The following SLC35F3 variants were observed in gnomAD, a reference collection of about 807,000 sequenced individuals.
The protein encoded by SLC35F3 is putative thiamine transporter SLC35F3.
In SLC35F3, 25 loss-of-function variants were observed where a neutral mutation model predicts 49.9. The ratio of observed to expected loss-of-function variants is 0.50; its 90% CI spans 0.37 to 0.70. SLC35F3 has a LOEUF of 0.70. Ranked by LOEUF, SLC35F3 falls within the 30% of genes least tolerant of loss-of-function variation. The pLI is 0.00. For missense variants in SLC35F3, 525 were observed against 639.8 expected, an observed-to-expected ratio of 0.82 and a Z score of 1.94; for synonymous variants, 275 against 265.4, an observed-to-expected ratio of 1.04 and a Z score of -0.35.
chr1:234,108,627 T>TATATATTTATATATAAAAGTAC lies in SLC35F3; in HGVS notation c.284-122771_284-122770insTACATATATTTATATATAAAAG, dbSNP rs1553305768. Among the ~76,000 whole-genome samples the TATATATTTATATATAAAAGTAC allele has an allele frequency of 7.6e-4, 85 of 112,460 alleles. 2 individuals carry two copies. Among genetic ancestry groups the TATATATTTATATATAAAAGTAC allele is most frequent in the African/African-American group, 3.1e-3 (79 of 25,358 alleles). The allele number at this position is 112,460 out of a possible 152,430, so 73.8% of individuals were successfully genotyped here. A position where few individuals can be genotyped will look rare whatever the true frequency, so the allele number is the denominator to read the frequency against. On this transcript the variant is annotated intron_variant, in intron 2 of 7. Coordinates refer to ENST00000366618, the MANE Select transcript of SLC35F3 (RefSeq NM_173508.4). Reference sequence around the variant, plus strand: ...GATATATATTTATATATAAAAGATATATATATTTATATATAAAAGATACAT... The same window carrying TATATATTTATATATAAAAGTAC: ...GATATATATTTATATATAAAAGATATATATATTTATATATAAAAGTACATATATTTATATATAAAAGATACAT...
intron 2 of SLC35F3, among the ~76,000 whole-genome samples, chr1:234,077,700 C>A (rs1664812993): frequency 6.6e-6 from 1 of 152,150 alleles, no homozygotes; most frequent in Non-Finnish European, 1.5e-5. Flanking sequence ...AAGCTTTGGG[C>A]AGGCGGTGGG....
At chr1:234,096,692 A>G (rs1278856368) in intron 2 of SLC35F3, among the ~76,000 whole-genome samples, 1 of 152,124 alleles carries the variant, frequency 6.6e-6, no homozygotes, top group East Asian at 1.9e-4. Context: ...TATAGGCTTC[A>G]CTGCAGCATT....
chr1:233,962,840 G>C (rs1662826877), intron 2 of SLC35F3, among the ~76,000 whole-genome samples: 1 of 152,206 alleles, frequency 6.6e-6, no homozygotes, highest in African/African-American at 2.4e-5. Flanking sequence ...TGACTAGGAT[G>C]GGACTGTAAT....
intron 2 of SLC35F3, among the ~76,000 whole-genome samples, chr1:234,140,913 T>G (rs896700218): frequency 4.6e-5 from 7 of 152,194 alleles, no homozygotes; most frequent in African/African-American, 1.7e-4. Context: ...GCAAAAGGGT[T>G]TACTTATAGA....
chr1:234,121,424 C>T (rs1572059759), intron 2 of SLC35F3, among the ~76,000 whole-genome samples: 2 of 152,148 alleles, frequency 1.3e-5, no homozygotes, highest in East Asian at 3.9e-4. Flanking sequence ...AGGCATGAGC[C>T]ACCACGCCCA....
At chr1:234,290,437 AT>A (rs1413829602) in intron 3 of SLC35F3, among the ~76,000 whole-genome samples, 1 of 152,258 alleles carries the variant, frequency 6.6e-6, no homozygotes, top group Non-Finnish European at 1.5e-5. Flanking sequence ...TCCAGCACAT[AT>A]AAAAAGTATA....
At chr1:234,178,507 A>G (rs1666510315) in intron 2 of SLC35F3, among the ~76,000 whole-genome samples, 3 of 151,994 alleles carry the variant, frequency 2.0e-5, no homozygotes, top group Non-Finnish European at 2.9e-5. Flanking sequence ...GTTCACAGCA[A>G]AACTAAGCAG....
chr1:233,926,563 TG>T (rs1226877872), intron 2 of SLC35F3, among the ~76,000 whole-genome samples: 1 of 152,184 alleles, frequency 6.6e-6, no homozygotes, highest in African/African-American at 2.4e-5. Flanking sequence ...TTAGCTTCTT[TG>T]TGATGGGTTC....
intron 2 of SLC35F3, among the ~76,000 whole-genome samples, chr1:234,110,289 CT>C (rs1665387213): frequency 6.6e-6 from 1 of 152,170 alleles, no homozygotes; most frequent in East Asian, 1.9e-4. Flanking sequence ...GGGGATGACA[CT>C]TAGAGACATT....
At chr1:234,183,759 G>A (rs1050424124) in intron 2 of SLC35F3, among the ~76,000 whole-genome samples, 4 of 142,668 alleles carry the variant, frequency 2.8e-5, no homozygotes, top group African/African-American at 4.9e-5. Context: ...GTAAATGTTC[G>A]TATCTCATTT....
intron 2 of SLC35F3, among the ~76,000 whole-genome samples, chr1:234,209,781 C>T (rs913234688): frequency 5.3e-5 from 8 of 151,764 alleles, no homozygotes; most frequent in African/African-American, 1.9e-4. Context: ...CAGAAGTTAA[C>T]AGACATGAGG....
At chr1:234,227,004 C>T (rs1283549262) in intron 2 of SLC35F3, among the ~76,000 whole-genome samples, 1 of 149,270 alleles carries the variant, frequency 6.7e-6, no homozygotes. Flanking sequence ...ATGGAAGCAA[C>T]TCAGGCAACA....
chr1:234,122,250 T>C (rs1665587528), intron 2 of SLC35F3, among the ~76,000 whole-genome samples: 1 of 152,230 alleles, frequency 6.6e-6, no homozygotes, highest in Non-Finnish European at 1.5e-5. Context: ...TGCAGGTTAA[T>C]CAAAAGCATT....
At chr1:234,076,318 C>A (rs1664791014) in intron 2 of SLC35F3, among the ~76,000 whole-genome samples, 1 of 109,402 alleles carries the variant, frequency 9.1e-6, no homozygotes, top group Admixed American at 9.1e-5. Context: ...AAGGTAGTAG[C>A]TGGGTGTGGT....
At chr1:234,174,234 A>G (rs1666443375) in intron 2 of SLC35F3, among the ~76,000 whole-genome samples, 1 of 152,156 alleles carries the variant, frequency 6.6e-6, no homozygotes, top group African/African-American at 2.4e-5. Flanking sequence ...GCACCTGTTC[A>G]CCTCATGTGT....
intron 2 of SLC35F3, among the ~76,000 whole-genome samples, chr1:234,081,974 C>G (rs1262243666): frequency 8.4e-6 from 1 of 119,346 alleles, no homozygotes; most frequent in Non-Finnish European, 1.6e-5. Context: ...CCAGGATGGT[C>G]TCGATCTCCT....
chr1:234,090,030 T>A (rs369306029), intron 2 of SLC35F3, among the ~76,000 whole-genome samples: 3 of 152,256 alleles, frequency 2.0e-5, no homozygotes, highest in African/African-American at 7.2e-5. Context: ...GGCTATCAAA[T>A]CTTGTTTGAA....
chr1:234,278,218 C>T (rs772374160), intron 3 of SLC35F3, among the ~76,000 whole-genome samples: 9 of 151,830 alleles, frequency 5.9e-5, no homozygotes, highest in African/African-American at 1.7e-4. Flanking sequence ...GGGCCGGGTG[C>T]GGTGGCTCAT....
chr1:233,905,403 C>G (rs899551114), intron 1 of SLC35F3, 126 bp from the exon 2 acceptor site: 13 of 769,222 alleles, frequency 1.7e-5, no homozygotes, highest in Non-Finnish European at 2.2e-5. Flanking sequence ...TCTGCCGCGG[C>G]GCTCGCCCCC....
Sources: gnomAD v4.1 joint callset for allele counts (sites outside exome capture counted in the v4.1 genomes callset) on GRCh38, gnomAD v4.1.1 for gene constraint, MANE v1.5 for transcripts, NCBI Gene and HGNC (gene_info 2026-07-23, HGNC 2026-07-21) for gene names.